TMEM178B: variants seen among roughly 807,000 people sequenced by gnomAD.
The protein encoded by TMEM178B is transmembrane protein 178B.
Under a neutral mutation model 31.0 loss-of-function variants are expected in TMEM178B, and 5 were observed. The ratio of observed to expected loss-of-function variants is 0.16; its 90% CI spans 0.08 to 0.34. TMEM178B has a LOEUF of 0.34. Among genes scored for constraint, TMEM178B ranks in the 10% least tolerant of loss-of-function variants. The probability of loss-of-function intolerance (pLI) is 1.00; values close to 1 mark genes in which losing one functional copy is unlikely to be tolerated. For synonymous variants in TMEM178B, 164 were observed against 164.0 expected, an observed-to-expected ratio of 1.00 and a Z score of 0.00; for missense variants, 275 against 400.3, an observed-to-expected ratio of 0.69 and a Z score of 2.67.
chr7:141,423,936 A>T lies in TMEM178B; in HGVS notation c.497-13672A>T, dbSNP rs542740373. Among the ~76,000 whole-genome samples, 99 of 151,444 alleles carry T rather than the reference A, an allele frequency of 6.5e-4. 3 individuals carry two copies. In the South Asian group the frequency reaches 0.02, roughly 30 times the overall value. On this transcript the variant is annotated intron_variant, in intron 2 of 3. Transcript: ENST00000565468. ...TGATTCTCCTGCCTTAGCCTCGCGA[A>T]TAAGTGGGATTACAGCTGCATGCCA...
At chr7:141,448,838 TC>T (rs1801809890) in intron 3 of TMEM178B, among the ~76,000 whole-genome samples, 1 of 152,096 alleles carries the variant, frequency 6.6e-6, no homozygotes, top group Admixed American at 6.6e-5. Flanking sequence ...GACCCTGTCT[TC>T]TCTGGGGTGG....
At chr7:141,506,543 G>A in the TMEM178B span, among the ~76,000 whole-genome samples, 36 of 152,188 alleles carry the variant, frequency 2.4e-4, no homozygotes, top group East Asian at 5.8e-3. Flanking sequence ...AGGGAAGACC[G>A]GCCGCCATGA....
chr7:141,446,080 T>C (rs1392027743), intron 3 of TMEM178B, among the ~76,000 whole-genome samples: 1 of 152,162 alleles, frequency 6.6e-6, no homozygotes. Context: ...AGAAGACACA[T>C]TGTCAGGAGG....
At chr7:141,226,907 T>C (rs1463420008) in intron 2 of TMEM178B, among the ~76,000 whole-genome samples, 4 of 151,848 alleles carry the variant, frequency 2.6e-5, no homozygotes, top group Non-Finnish European at 4.4e-5. Flanking sequence ...AGTTCCGTTT[T>C]GATCCCTCAT....
rs1347865476 is a variant in TMEM178B at position 141,471,087 on chromosome 7, G to A, written c.*301G>A. 6.5e-6 allele frequency: 1 copy of A among 152,686 alleles called. No individual in the cohort carries two copies. Among genetic ancestry groups the A allele is most frequent in the African/African-American group, 2.4e-5 (1 of 41,418 alleles). The allele number at this position is 152,686 out of a possible 1,614,324, so 9.5% of individuals were successfully genotyped here. On this transcript the variant is annotated 3_prime_UTR_variant, in exon 4 of 4. Coordinates refer to ENST00000565468, the MANE Select transcript of TMEM178B (RefSeq NM_001195278.2). The surrounding 1 kb of genome is among the most constrained non-coding windows in gnomAD (Gnocchi z 4.1). Reference sequence around the variant, plus strand: ...ACTGGCGAGGATGGGGTGGTGAAGGGACAGTGGAAGGGGTCTGAGGCAGCA... The same window carrying A: ...ACTGGCGAGGATGGGGTGGTGAAGGAACAGTGGAAGGGGTCTGAGGCAGCA...
chr7:141,480,317 G>C lies in TMEM178B; in HGVS notation c.*9531G>C, dbSNP rs552099677. On this transcript the variant is annotated 3_prime_UTR_variant, in exon 4 of 4. Transcript: ENST00000565468. ...TGTTCATGGAAAAAATAAATAATCT[G>C]TCAGTTGTGGAATGTAAACTGATTA... is the stretch of plus-strand genomic sequence containing the variant. 6.6e-6 allele frequency: 1 copy of C among 152,254 alleles called. No individual in the cohort carries two copies. The highest frequency in any genetic ancestry group is 1.9e-4 in the East Asian group (1 of 5,178). 9.4% of individuals were successfully genotyped at this position (152,254 alleles called of 1,614,324 possible).
intron 1 of TMEM178B, among the ~76,000 whole-genome samples, chr7:141,179,433 C>T (rs1251105105): frequency 6.6e-6 from 1 of 151,742 alleles, no homozygotes; most frequent in African/African-American, 2.4e-5. Flanking sequence ...GAGAGGCTTT[C>T]TGATAAAAAG....
At chr7:141,097,793 C>CTTTCT (rs1554448995) in intron 1 of TMEM178B, among the ~76,000 whole-genome samples, 1 of 125,938 alleles carries the variant, frequency 7.9e-6, no homozygotes, top group East Asian at 2.2e-4. Context: ...TTCTTTCTTT[C>CTTTCT]TTTTTTTTTT....
intron 2 of TMEM178B, among the ~76,000 whole-genome samples, chr7:141,331,500 T>G (rs948978942): frequency 1.3e-5 from 2 of 152,104 alleles, no homozygotes; most frequent in Non-Finnish European, 2.9e-5. Context: ...GAGCTTCCCT[T>G]GGAATTAGCA....
At position 141,318,399 on chromosome 7, in the gene TMEM178B, A is replaced by G. The variant is rs2116469460; in HGVS notation, c.496+105695A>G. 6.6e-6 allele frequency among the ~76,000 whole-genome samples: 1 copy of G among 152,364 alleles called. No individual in the cohort carries two copies. Among genetic ancestry groups the G allele is most frequent in the African/African-American group, 2.4e-5 (1 of 41,576 alleles). ...TGTTCACATATCCAAGCTGGCTTGA[A>G]TTAATCTAGTGGGGGGAAAACCCAA... is the stretch of plus-strand genomic sequence containing the variant. On this transcript the variant is annotated intron_variant, in intron 2 of 3. Coordinates refer to ENST00000565468, the MANE Select transcript of TMEM178B (RefSeq NM_001195278.2). This position sits in a 1 kb window ranked among gnomAD's most constrained non-coding sequence, Gnocchi z 4.1.
chr7:141,303,168 G>A (rs1158562803), intron 2 of TMEM178B, among the ~76,000 whole-genome samples: 1 of 152,086 alleles, frequency 6.6e-6, no homozygotes. Context: ...GCATCGTTGT[G>A]GGGATGTTAG....
At chr7:141,234,135 C>T (rs1797490883) in intron 2 of TMEM178B, among the ~76,000 whole-genome samples, 1 of 152,164 alleles carries the variant, frequency 6.6e-6, no homozygotes, top group South Asian at 2.1e-4. Context: ...TATGTAAAGT[C>T]TGTGACAGGC....
At chr7:141,409,164 G>A (rs938627753) in intron 2 of TMEM178B, among the ~76,000 whole-genome samples, 1 of 152,184 alleles carries the variant, frequency 6.6e-6, no homozygotes, top group Non-Finnish European at 1.5e-5. Context: ...CTCGATGCAC[G>A]TACTGTCAGC....
chr7:141,339,911 G>A (rs917082694), intron 2 of TMEM178B, among the ~76,000 whole-genome samples: 14 of 152,214 alleles, frequency 9.2e-5, no homozygotes, highest in Non-Finnish European at 2.1e-4. Flanking sequence ...AAGTTGGAAA[G>A]GTCATTTTGT....
chr7:141,451,504 G>T (rs950735807), intron 3 of TMEM178B, among the ~76,000 whole-genome samples: 4 of 152,136 alleles, frequency 2.6e-5, no homozygotes, highest in African/African-American at 9.7e-5. Context: ...TGATTCTGAA[G>T]CCAGGGCTTT....
At chr7:141,150,192 G>A (rs1007198357) in intron 1 of TMEM178B, among the ~76,000 whole-genome samples, 50 of 152,148 alleles carry the variant, frequency 3.3e-4, no homozygotes, top group African/African-American at 1.2e-3. Flanking sequence ...CATATAGATG[G>A]CATTGAAATA....
At chr7:141,251,694 T>C (rs982199786) in intron 2 of TMEM178B, among the ~76,000 whole-genome samples, 1 of 152,212 alleles carries the variant, frequency 6.6e-6, no homozygotes, top group African/African-American at 2.4e-5. Context: ...AGGTATACTT[T>C]ATCCACCCCG....
At chr7:141,353,207 C>T (rs1380785350) in intron 2 of TMEM178B, among the ~76,000 whole-genome samples, 1 of 152,198 alleles carries the variant, frequency 6.6e-6, no homozygotes, top group South Asian at 2.1e-4. Flanking sequence ...GCTGAGTTCG[C>T]ATTCCAACTG....
downstream of TMEM178B, among the ~76,000 whole-genome samples, chr7:141,480,653 TC>T (rs1802460215): frequency 6.6e-6 from 1 of 152,256 alleles, no homozygotes; most frequent in African/African-American, 2.4e-5. Context: ...GTTCTTTTTT[TC>T]CTATTACTGG....
Sources: gnomAD v4.1 joint callset for allele counts (sites outside exome capture counted in the v4.1 genomes callset) on GRCh38, gnomAD v4.1.1 for gene constraint, Gnocchi (gnomAD v3.1) non-coding constraint, MANE v1.5 for transcripts, NCBI Gene and HGNC (gene_info 2026-07-23, HGNC 2026-07-21) for gene names.